The following NKAIN3 variants were observed in gnomAD, a reference collection of about 807,000 sequenced individuals.
NKAIN3 encodes sodium/potassium transporting ATPase interacting 3.
NKAIN3 carries 25 observed loss-of-function variants against 30.2 expected under a neutral mutation model. The ratio of observed to expected loss-of-function variants is 0.83; its 90% CI spans 0.60 to 1.16. The LOEUF is 1.16. Ranked by LOEUF, NKAIN3 falls within the 50% of genes most tolerant of loss-of-function variation. The pLI is 0.00. For synonymous variants in NKAIN3, 91 were observed against 89.6 expected (o/e 1.02, Z -0.09); for missense variants, 225 against 254.1 (o/e 0.89, Z 0.78).
At chr8:62,402,516 G>A (rs1046246191) in intron 1 of NKAIN3, among the ~76,000 whole-genome samples, 4 of 151,614 alleles carry the variant, frequency 2.6e-5, no homozygotes, top group African/African-American at 9.7e-5. Context: ...TCATCGGGGT[G>A]GTTTCCTCCA....
chr8:62,404,819 C>A (rs1157341512), intron 1 of NKAIN3, among the ~76,000 whole-genome samples: 1 of 151,602 alleles, frequency 6.6e-6, no homozygotes, highest in Non-Finnish European at 1.5e-5. Context: ...TTTCCTCAAT[C>A]AGTAGTTTCT....
intron 1 of NKAIN3, among the ~76,000 whole-genome samples, chr8:62,445,199 C>T (rs1054560001): frequency 6.6e-6 from 1 of 152,136 alleles, no homozygotes; most frequent in South Asian, 2.1e-4. Flanking sequence ...GCACCTCAGC[C>T]TCCCAAAGTG....
At chr8:62,265,107 T>A (rs1027808907) in intron 1 of NKAIN3, among the ~76,000 whole-genome samples, 1 of 151,768 alleles carries the variant, frequency 6.6e-6, no homozygotes, top group Non-Finnish European at 1.5e-5. Context: ...AGAAAAGGAG[T>A]TTGGCATTAA....
chr8:62,768,670 A>C lies in NKAIN3; in HGVS notation c.471+21541A>C, dbSNP rs1336585009. Among the ~76,000 whole-genome samples the C allele has an allele frequency of 2.0e-5, 3 of 152,212 alleles. No homozygotes were observed. In the East Asian group the frequency reaches 5.8e-4, roughly 29 times the overall value. On this transcript the variant is annotated intron_variant, in intron 4 of 6. Coordinates refer to ENST00000623646, the MANE Select transcript of NKAIN3 (RefSeq NM_001304533.3). ...TTTTCAGCAGACAACAGTCTGTTCC[A>C]ACATAACCTACTCCAACCTAAGCTT...
At chr8:62,487,597 A>T (rs1806941737) in intron 1 of NKAIN3, among the ~76,000 whole-genome samples, 1 of 152,202 alleles carries the variant, frequency 6.6e-6, no homozygotes, top group Admixed American at 6.5e-5. Flanking sequence ...TTACTGCCTT[A>T]ATGTTACTTT....
intron 2 of NKAIN3, among the ~76,000 whole-genome samples, chr8:62,580,284 T>G (rs1032182854): frequency 2.6e-5 from 4 of 152,186 alleles, no homozygotes; most frequent in African/African-American, 9.7e-5. Flanking sequence ...TATAGGACAG[T>G]TTAATGAGGT....
At chr8:62,439,894 A>G (rs537763263) in intron 1 of NKAIN3, among the ~76,000 whole-genome samples, 30 of 152,224 alleles carry the variant, frequency 2.0e-4, no homozygotes, top group Non-Finnish European at 3.8e-4. Context: ...TATTACTTCA[A>G]TTATGGTTTG....
intron 4 of NKAIN3, among the ~76,000 whole-genome samples, chr8:62,817,934 C>A (rs1421666743): frequency 6.6e-6 from 1 of 152,074 alleles, no homozygotes; most frequent in Admixed American, 6.6e-5. Context: ...CTTTTAAACC[C>A]ATCAGTGCCT....
chr8:62,994,065 C>G (rs574559498), intron 5 of NKAIN3, among the ~76,000 whole-genome samples: 3 of 150,816 alleles, frequency 2.0e-5, no homozygotes, highest in Non-Finnish European at 4.4e-5. Context: ...GATTTGTCAC[C>G]ATGTGTTAAC....
At chr8:62,900,973 C>G (rs1466150802) in intron 4 of NKAIN3, among the ~76,000 whole-genome samples, 1 of 152,076 alleles carries the variant, frequency 6.6e-6, no homozygotes, top group Non-Finnish European at 1.5e-5. Flanking sequence ...TCATGTTGAT[C>G]CCCCAACTGT....
At chr8:62,379,011 C>A (rs977685330) in intron 1 of NKAIN3, among the ~76,000 whole-genome samples, 2 of 152,154 alleles carry the variant, frequency 1.3e-5, no homozygotes, top group African/African-American at 4.8e-5. Context: ...CTGTACCACA[C>A]AAAGCCACAG....
chr8:62,765,474 CT>C (rs201418891), intron 4 of NKAIN3, among the ~76,000 whole-genome samples: 1,784 of 152,202 alleles, frequency 0.012, 25 homozygotes, highest in African/African-American at 0.04. Context: ...TCACCTGCCC[CT>C]AATCTAGAAA....
At chr8:62,587,586 G>A (rs1404130642) in intron 2 of NKAIN3, among the ~76,000 whole-genome samples, 4 of 151,868 alleles carry the variant, frequency 2.6e-5, no homozygotes, top group Non-Finnish European at 5.9e-5. Context: ...AGCCTACCCT[G>A]TATGTTTAAG....
At chr8:62,888,058 G>A (rs1214662962) in intron 4 of NKAIN3, among the ~76,000 whole-genome samples, 1 of 152,168 alleles carries the variant, frequency 6.6e-6, no homozygotes, top group Non-Finnish European at 1.5e-5. Context: ...ACAGCCTTGC[G>A]ATTAAGTCTC....
At chr8:62,561,493 CAT>C (rs773662845) in intron 1 of NKAIN3, among the ~76,000 whole-genome samples, 4 of 152,218 alleles carry the variant, frequency 2.6e-5, no homozygotes, top group South Asian at 2.1e-4. Flanking sequence ...ATAAACTCCA[CAT>C]GTGTTTAATA....
At chr8:62,310,692 G>A (rs1466559450) in intron 1 of NKAIN3, among the ~76,000 whole-genome samples, 1 of 150,314 alleles carries the variant, frequency 6.7e-6, no homozygotes, top group Non-Finnish European at 1.5e-5. Context: ...AAGTAGAGGA[G>A]TTGGTTCCAT....
At chr8:62,612,253 CTT>C (rs1811316877) in intron 3 of NKAIN3, among the ~76,000 whole-genome samples, 1 of 151,990 alleles carries the variant, frequency 6.6e-6, no homozygotes, top group African/African-American at 2.4e-5. Context: ...CTATCTCTCT[CTT>C]TAGCTCTAAT....
At position 62,624,894 on chromosome 8, in the gene NKAIN3, G is replaced by A. The variant is rs569521560; in HGVS notation, c.273+35100G>A. On this transcript the variant is annotated intron_variant, in intron 3 of 6. Coordinates refer to ENST00000623646, the MANE Select transcript of NKAIN3 (RefSeq NM_001304533.3). ...TCTCATCAGTATCCAGTCTACCAGT[G>A]AGTCCATAAAAACATTTGTCATTTC... 3.1e-3 allele frequency among the ~76,000 whole-genome samples: 462 copies of A among 151,350 alleles called. 1 individual carries two copies. The highest frequency in any genetic ancestry group is 0.024 in the Middle Eastern group (7 of 290).
intron 4 of NKAIN3, among the ~76,000 whole-genome samples, chr8:62,808,815 C>T (rs1818389354): frequency 6.6e-6 from 1 of 152,100 alleles, no homozygotes. Flanking sequence ...ACTGGGCATG[C>T]ATTGTCATTG....
Sources: allele counts gnomAD v4.1 joint callset (sites outside exome capture counted in the v4.1 genomes callset), GRCh38; gene constraint gnomAD v4.1.1; transcripts MANE v1.5; gene names NCBI Gene and HGNC (gene_info 2026-07-23, HGNC 2026-07-21).